The following RBFOX1 variants were observed in gnomAD, a reference collection of about 807,000 sequenced individuals.
RBFOX1 encodes RNA binding fox-1 homolog 1.
RBFOX1 carries 8 observed loss-of-function variants against 57.7 expected under a neutral mutation model. That is an observed-to-expected ratio of 0.14 (90% CI 0.08 to 0.25). The LOEUF (loss-of-function observed/expected upper bound fraction) is 0.25. Among genes scored for constraint, RBFOX1 ranks in the 10% least tolerant of loss-of-function variants. The pLI, the probability that RBFOX1 is intolerant of heterozygous loss-of-function variation, is 1.00. For synonymous variants in RBFOX1, 326 were observed against 222.4 expected (o/e 1.47, Z -4.15); for missense variants, 611 against 548.5 (o/e 1.11, Z -1.14).
chr16:7,218,665 T>C (rs950176055), intron 4 of RBFOX1, among the ~76,000 whole-genome samples: 33 of 151,184 alleles, frequency 2.2e-4, no homozygotes, highest in African/African-American at 2.2e-4. Context: ...TGTGTGTGTG[T>C]GTGTGTGTGT....
intron 4 of RBFOX1, among the ~76,000 whole-genome samples, chr16:5,938,966 C>T (rs914870440): frequency 5.3e-5 from 8 of 152,088 alleles, no homozygotes; most frequent in African/African-American, 1.9e-4. Flanking sequence ...AGCTGGCAAC[C>T]ATCATTATCA....
chr16:7,223,018 A>G (rs2092841662), intron 4 of RBFOX1, among the ~76,000 whole-genome samples: 2 of 152,140 alleles, frequency 1.3e-5, no homozygotes, highest in African/African-American at 4.8e-5. Context: ...CTTCTCTTCC[A>G]TCTGGCCACC....
chr16:5,324,712 A>C (rs911561342), intron 1 of RBFOX1, among the ~76,000 whole-genome samples: 2 of 152,206 alleles, frequency 1.3e-5, no homozygotes, highest in African/African-American at 4.8e-5. Flanking sequence ...AAGAATAGAA[A>C]ACCAAATACC....
chr16:5,749,220 C>T (rs1370583496), intron 3 of RBFOX1, among the ~76,000 whole-genome samples: 1 of 152,232 alleles, frequency 6.6e-6, no homozygotes, highest in East Asian at 1.9e-4. Context: ...TGTAGAGTTT[C>T]TGCCGAGAGA....
intron 2 of RBFOX1, among the ~76,000 whole-genome samples, chr16:6,335,610 T>C (rs2083533213): frequency 6.6e-6 from 1 of 151,156 alleles, no homozygotes; most frequent in Non-Finnish European, 1.5e-5. Context: ...AAACCTCGTC[T>C]CTACTAAAAA....
intron 4 of RBFOX1, among the ~76,000 whole-genome samples, chr16:7,298,693 T>G (rs1454082264): frequency 6.6e-6 from 1 of 152,240 alleles, no homozygotes; most frequent in African/African-American, 2.4e-5. Context: ...GTTACATGCA[T>G]TATATATGTA....
At chr16:6,653,753 G>C (rs886499247) in intron 2 of RBFOX1, among the ~76,000 whole-genome samples, 1 of 151,738 alleles carries the variant, frequency 6.6e-6, no homozygotes, top group African/African-American at 2.4e-5. Context: ...TGGATGGGTG[G>C]GTAGATGAAT....
At chr16:5,807,402 G>C (rs1037345486) in intron 3 of RBFOX1, among the ~76,000 whole-genome samples, 10 of 152,136 alleles carry the variant, frequency 6.6e-5, no homozygotes, top group Admixed American at 1.3e-4. Context: ...GTCCCTGCCA[G>C]GTCATCTCAG....
At chr16:5,895,048 A>G (rs185042154) in intron 4 of RBFOX1, among the ~76,000 whole-genome samples, 221 of 151,994 alleles carry the variant, frequency 1.5e-3, no homozygotes, top group African/African-American at 5.0e-3. Flanking sequence ...GTTAATTTAC[A>G]GAAGGGGGTA....
At chr16:6,969,684 C>A (rs1332378418) in intron 3 of RBFOX1, among the ~76,000 whole-genome samples, 1 of 151,942 alleles carries the variant, frequency 6.6e-6, no homozygotes, top group Non-Finnish European at 1.5e-5. Flanking sequence ...GCGGAGGTTG[C>A]AGTGAGCTGA....
chr16:7,415,183 T>C (rs1026771247), intron 4 of RBFOX1, among the ~76,000 whole-genome samples: 1 of 152,332 alleles, frequency 6.6e-6, no homozygotes, highest in Admixed American at 6.5e-5. Context: ...TGGCTTACAA[T>C]CCTGGCTGTG....
intron 4 of RBFOX1, among the ~76,000 whole-genome samples, chr16:5,953,186 C>T (rs2059555242): frequency 1.3e-5 from 2 of 152,100 alleles, no homozygotes; most frequent in Admixed American, 1.3e-4. Context: ...AGACCAAGTG[C>T]CCTGGGGCCA....
chr16:5,460,443 G>C (rs2068754620), intron 1 of RBFOX1, among the ~76,000 whole-genome samples: 1 of 152,196 alleles, frequency 6.6e-6, no homozygotes, highest in African/African-American at 2.4e-5. Flanking sequence ...TGAATAAGGA[G>C]AGGGCACCAT....
intron 4 of RBFOX1, among the ~76,000 whole-genome samples, chr16:7,463,731 C>T (rs34451442): frequency 0.18 from 27,911 of 151,992 alleles, 3,184 homozygotes; most frequent in Non-Finnish European, 0.26. Context: ...TTTGGGGGGC[C>T]GTTCTGCCTA....
At chr16:5,864,752 G>C (rs2057306077) in intron 3 of RBFOX1, among the ~76,000 whole-genome samples, 1 of 152,134 alleles carries the variant, frequency 6.6e-6, no homozygotes, top group Admixed American at 6.5e-5. Flanking sequence ...TTCAGATCAT[G>C]TATGTGTTTT....
At chr16:5,341,908 C>A (rs986333811) in intron 1 of RBFOX1, among the ~76,000 whole-genome samples, 4 of 152,160 alleles carry the variant, frequency 2.6e-5, no homozygotes, top group Non-Finnish European at 5.9e-5. Context: ...AGACGGGAAG[C>A]CTCCCTGCCA....
At chr16:5,570,273 C>G (rs1304929365) in intron 2 of RBFOX1, among the ~76,000 whole-genome samples, 1 of 152,046 alleles carries the variant, frequency 6.6e-6, no homozygotes, top group Non-Finnish European at 1.5e-5. Context: ...GGGTTCAAAT[C>G]CTGTTTTTGT....
intron 3 of RBFOX1, among the ~76,000 whole-genome samples, chr16:6,782,565 G>C (rs1296100091): frequency 6.6e-6 from 1 of 151,874 alleles, no homozygotes; most frequent in East Asian, 1.9e-4. Flanking sequence ...TTGATTTCTA[G>C]TTTCATTCCA....
chr16:7,261,388 G>A (rs1029768006), intron 4 of RBFOX1, among the ~76,000 whole-genome samples: 1 of 152,138 alleles, frequency 6.6e-6, no homozygotes, highest in African/African-American at 2.4e-5. Flanking sequence ...AGCAGAATGT[G>A]TCCTCCATGT....
Sources: gnomAD v4.1 joint callset for allele counts (sites outside exome capture counted in the v4.1 genomes callset) on GRCh38, gnomAD v4.1.1 for gene constraint, MANE v1.5 for transcripts, NCBI Gene and HGNC (gene_info 2026-07-23, HGNC 2026-07-21) for gene names.